The following TAFA1 variants were observed in gnomAD, a reference collection of about 807,000 sequenced individuals.
TAFA1 encodes the protein chemokine-like protein TAFA-1.
TAFA1 carries 4 observed loss-of-function variants against 18.5 expected under a neutral mutation model. The ratio of observed to expected loss-of-function variants is 0.22; its 90% CI spans 0.11 to 0.49. TAFA1 has a LOEUF of 0.49. TAFA1 is among the 20% of genes least tolerant of loss of function. The probability of loss-of-function intolerance (pLI) is 0.98; values close to 1 mark genes in which losing one functional copy is unlikely to be tolerated. For synonymous variants in TAFA1, 56 were observed against 55.2 expected (o/e 1.01, Z -0.06); for missense variants, 147 against 169.0 (o/e 0.87, Z 0.72).
chr3:68,145,696 A>G (rs890891828), intron 2 of TAFA1: 3 of 830,950 alleles, frequency 3.6e-6, no homozygotes, highest in Non-Finnish European at 6.3e-6. Context: ...ATAGAAATGT[A>G]AAGTTTGTAT....
chr3:68,358,800 A>G (rs1302187751), intron 2 of TAFA1, among the ~76,000 whole-genome samples: 3 of 151,988 alleles, frequency 2.0e-5, no homozygotes, highest in African/African-American at 7.2e-5. Context: ...GTAAACATGT[A>G]GCATAATGGA....
In TAFA1 at chr3:68,332,090, C is replaced by G. The variant is rs182814293; in HGVS notation, c.119-85190C>G. Among the ~76,000 whole-genome samples, 990 of 151,778 alleles carry G rather than the reference C, an allele frequency of 6.5e-3. 9 individuals carry two copies. Among genetic ancestry groups the G allele is most frequent in the African/African-American group, 0.023 (952 of 41,418 alleles). On this transcript the variant is annotated intron_variant, in intron 2 of 4. Transcript: ENST00000478136. ...GTGTTAACCCGGATGGTCTCGATCT[C>G]CTGACCTCGTGATCCGCCCGCCTCG...
At chr3:68,183,451 A>G (rs1345980408) in intron 2 of TAFA1, among the ~76,000 whole-genome samples, 1 of 152,176 alleles carries the variant, frequency 6.6e-6, no homozygotes, top group Non-Finnish European at 1.5e-5. Flanking sequence ...AGTGAGGTGC[A>G]TATTAATAGC....
intron 2 of TAFA1, among the ~76,000 whole-genome samples, chr3:68,042,412 G>A (rs891256632): frequency 5.9e-5 from 9 of 152,314 alleles, no homozygotes; most frequent in African/African-American, 1.9e-4. Flanking sequence ...CACGTTGGGA[G>A]GCCAAGGTGG....
intron 3 of TAFA1, among the ~76,000 whole-genome samples, chr3:68,464,503 G>A (rs1041291319): frequency 7.2e-5 from 11 of 152,108 alleles, no homozygotes; most frequent in Non-Finnish European, 1.0e-4. Flanking sequence ...GTGAAAATGA[G>A]TCCATAACTC....
intron 2 of TAFA1, among the ~76,000 whole-genome samples, chr3:68,073,433 C>T (rs954235999): frequency 6.6e-6 from 1 of 152,186 alleles, no homozygotes; most frequent in African/African-American, 2.4e-5. Flanking sequence ...GCAGCATTAA[C>T]AAATATGTCC....
intron 2 of TAFA1, among the ~76,000 whole-genome samples, chr3:68,029,500 C>T (rs1031053660): frequency 1.3e-5 from 2 of 152,104 alleles, no homozygotes; most frequent in African/African-American, 4.8e-5. Context: ...GTAAATCAAA[C>T]ATCAGTTCTA....
intron 2 of TAFA1, among the ~76,000 whole-genome samples, chr3:68,089,451 T>G (rs1285392186): frequency 6.6e-6 from 1 of 152,190 alleles, no homozygotes; most frequent in East Asian, 1.9e-4. Context: ...TGAACACTCT[T>G]TAAATCTAAT....
At chr3:68,164,816 C>A (rs2065964777) in intron 2 of TAFA1, among the ~76,000 whole-genome samples, 1 of 152,174 alleles carries the variant, frequency 6.6e-6, no homozygotes, top group African/African-American at 2.4e-5. Context: ...TTATTCCTTT[C>A]TCTCATTCCA....
chr3:68,016,057 C>G (rs1374837), intron 2 of TAFA1, among the ~76,000 whole-genome samples: 103,442 of 152,080 alleles, frequency 0.68, 35,413 homozygotes, highest in East Asian at 0.81. Context: ...TGCTGTGGTC[C>G]TTGTTTTTTA....
intron 2 of TAFA1, among the ~76,000 whole-genome samples, chr3:68,197,571 C>A (rs1000833830): frequency 1.4e-5 from 2 of 145,266 alleles, no homozygotes; most frequent in African/African-American, 5.0e-5. Context: ...AATGTCAATG[C>A]CTTTTTTTTT....
intron 2 of TAFA1, among the ~76,000 whole-genome samples, chr3:68,170,398 G>A (rs907639505): frequency 6.6e-6 from 1 of 152,148 alleles, no homozygotes; most frequent in African/African-American, 2.4e-5. Context: ...TATCCCCAGG[G>A]TGTTTGTCAA....
intron 3 of TAFA1, among the ~76,000 whole-genome samples, chr3:68,438,247 A>G (rs2071300744): frequency 6.6e-6 from 1 of 152,108 alleles, no homozygotes; most frequent in South Asian, 2.1e-4. Flanking sequence ...AGCCCCAACT[A>G]CTTGGGAGGC....
chr3:68,235,974 C>G (rs952690380), intron 2 of TAFA1, among the ~76,000 whole-genome samples: 3 of 152,158 alleles, frequency 2.0e-5, no homozygotes, highest in Admixed American at 2.0e-4. Flanking sequence ...AAGAGGTGCT[C>G]TAAATATTCC....
chr3:68,496,049 A>G (rs919492930), intron 3 of TAFA1, among the ~76,000 whole-genome samples: 1 of 151,196 alleles, frequency 6.6e-6, no homozygotes, highest in African/African-American at 2.4e-5. Context: ...GACCTTCTCA[A>G]ATCAAATATC....
At chr3:68,125,154 T>A (rs1457251853) in intron 2 of TAFA1, among the ~76,000 whole-genome samples, 1 of 152,224 alleles carries the variant, frequency 6.6e-6, no homozygotes, top group East Asian at 1.9e-4. Context: ...GGTTTGAATC[T>A]TTATCCTGCA....
chr3:68,544,046 A>G (rs2073418525), intron 4 of TAFA1, among the ~76,000 whole-genome samples: 1 of 152,118 alleles, frequency 6.6e-6, no homozygotes, highest in Admixed American at 6.6e-5. Context: ...AGATAGACAC[A>G]GGAGTGATTA....
intron 2 of TAFA1, among the ~76,000 whole-genome samples, chr3:68,380,818 G>A (rs994673658): frequency 6.7e-6 from 1 of 150,266 alleles, no homozygotes; most frequent in Admixed American, 6.6e-5. Flanking sequence ...CATTGCTTTT[G>A]GTGTTTTAGA....
At chr3:68,098,191 A>G (rs1575614908) in intron 2 of TAFA1, among the ~76,000 whole-genome samples, 2 of 152,258 alleles carry the variant, frequency 1.3e-5, no homozygotes, top group East Asian at 3.9e-4. Flanking sequence ...GAAGTCAATA[A>G]TTGAATGCAT....
Sources: gnomAD v4.1 joint callset for allele counts (sites outside exome capture counted in the v4.1 genomes callset) on GRCh38, gnomAD v4.1.1 for gene constraint, MANE v1.5 for transcripts, NCBI Gene and HGNC (gene_info 2026-07-23, HGNC 2026-07-21) for gene names.